Variants in DCLRE1B observed in about 807,000 individuals in gnomAD.
The protein encoded by DCLRE1B is 5' exonuclease Apollo.
A neutral mutation model predicts 19.8 loss-of-function variants in DCLRE1B; 6 were observed. The observed-to-expected ratio is 0.30, with a 90% confidence interval of 0.17 to 0.60. The LOEUF (loss-of-function observed/expected upper bound fraction) is 0.60, where lower values mean the gene tolerates loss of function less well. Ranked by LOEUF, DCLRE1B falls within the 20% of genes least tolerant of loss-of-function variation. The pLI is 0.87. For missense variants in DCLRE1B, 622 were observed against 654.2 expected, an observed-to-expected ratio of 0.95 and a Z score of 0.54; for synonymous variants, 258 against 255.7, an observed-to-expected ratio of 1.01 and a Z score of -0.09.
chr1:113,905,914 C>A, intron 1 of DCLRE1B, 139 bp downstream of exon 1: 1 of 964,746 alleles, frequency 1.0e-6, no homozygotes. Context: ...CATCTTTAAC[C>A]CAGAATAGGA....
chr1:113,904,945 CG>C, upstream of DCLRE1B: 1 of 511,830 alleles, frequency 2.0e-6, no homozygotes, highest in Non-Finnish European at 3.6e-6. Context: ...GCCCTACCGT[CG>C]GCCGGCAGGC....
intron 2 of DCLRE1B, 68 bp downstream of exon 2, chr1:113,907,229 T>TAA: frequency 3.6e-6 from 4 of 1,122,588 alleles, no homozygotes; most frequent in Non-Finnish European, 4.7e-6. Context: ...TTTTTTTTTT[T>TAA]TTTTTAATGT....
At position 113,911,829 on chromosome 1, in the gene DCLRE1B, G is replaced by T. The variant is rs1219329777; in HGVS notation, c.1237G>T (p.Val413Leu). The T allele has an allele frequency of 1.2e-6, 2 of 1,614,260 alleles. No individual in the cohort carries two copies. Among genetic ancestry groups the T allele is most frequent in the South Asian group, 1.1e-5 (1 of 91,088 alleles). ...DLYSKEWNKA[V>L]PFCESQKRVT... is the part of the protein sequence containing the mutation. ...CTATAGCAAAGAATGGAACAAGGCA[G>T]TGCCTTTCTGTGAGTCTCAAAAGAG... is the stretch of plus-strand genomic sequence containing the variant. The change falls in exon 4 of 4, where the codon GTG becomes TTG. Residue 413 changes from valine (V) to leucine (L), a missense_variant. Val to Leu is a conservative substitution (Grantham distance 32). Transcript: ENST00000650450.
rs769042701 is a variant in DCLRE1B at position 113,912,151 on chromosome 1, G to T, written c.1559G>T (p.Arg520Ile). Reference sequence around the variant, plus strand: ...TTCCAGGCAGGGTATTCTTCCAGGAGATTTGACCAGCAAGTGGAAAAATAC... The same window carrying T: ...TTCCAGGCAGGGTATTCTTCCAGGATATTTGACCAGCAAGTGGAAAAATAC... ...NFFQAGYSSR[R>I]FDQQVEKYHK... is the part of the protein sequence containing the mutation. Residue 520 changes from arginine to isoleucine, a missense_variant, in exon 4 of 4, where the codon AGA becomes ATA. Physicochemically the swap from Arg to Ile is moderately conservative, Grantham distance 97. Around this residue, in one of 3 missense-constraint regions of DCLRE1B, gnomAD observed 382 missense variants for 412.5 expected, o/e 0.93. Coordinates refer to ENST00000650450, the MANE Select transcript of DCLRE1B (RefSeq NM_022836.4). 1.9e-6 allele frequency: 3 copies of T among 1,613,882 alleles called. No homozygotes were observed. The African/African-American group carries it at 4.0e-5, about 22-fold the overall frequency.
At chr1:113,908,803 G>GCACA (rs35433996) in intron 3 of DCLRE1B, among the ~76,000 whole-genome samples, 1 of 150,722 alleles carries the variant, frequency 6.6e-6, no homozygotes, top group Non-Finnish European at 1.5e-5. Context: ...ACATACGCGT[G>GCACA]CACACACACA....
rs200788189 is a variant in DCLRE1B at position 113,905,720 on chromosome 1, C to T, written c.134C>T (p.Ala45Val). 29 of 1,614,200 alleles carry T rather than the reference C, an allele frequency of 1.8e-5. No individual in the cohort carries two copies. In the East Asian group the frequency reaches 6.5e-4, roughly 36 times the overall value. The change falls in exon 1 of 4, where the codon GCC becomes GTC. Residue 45 changes from alanine to valine, a missense_variant. Ala to Val is a moderately conservative substitution (Grantham distance 64). Transcript: ENST00000650450. ...DHTVGLSSTW[A>V]RPLYCSPITA... is the part of the protein sequence containing the mutation. ...ACCGTGGGCCTGTCTAGCACCTGGG[C>T]CCGGCCCCTCTACTGCTCCCCAATT...
intron 3 of DCLRE1B, among the ~76,000 whole-genome samples, chr1:113,910,341 C>T (rs1391874729): frequency 2.0e-5 from 3 of 152,074 alleles, no homozygotes; most frequent in Admixed American, 1.3e-4. Flanking sequence ...CATTTCTTAT[C>T]AATTCCTTTT....
intron 2 of DCLRE1B, 66 bp downstream of exon 2, chr1:113,907,227 T>A: frequency 3.9e-6 from 5 of 1,280,000 alleles, no homozygotes; most frequent in Non-Finnish European, 5.2e-6. Flanking sequence ...TTTTTTTTTT[T>A]TTTTTTTAAT....
In DCLRE1B at chr1:113,912,317, C is replaced by A; in HGVS notation, c.*126C>A. The A allele has an allele frequency of 1.0e-6, 1 of 971,206 alleles. No individual in the cohort carries two copies. Among genetic ancestry groups the A allele is most frequent in the Non-Finnish European group, 1.5e-6 (1 of 679,702 alleles). 60.2% of individuals were successfully genotyped at this position (971,206 alleles called of 1,614,324 possible). ...TCTATCTTTACAAGACTCTTATGGGCCCACCGTGGAGCAGCACTTCCCAAA... is the reference window on the plus strand; with the variant it reads ...TCTATCTTTACAAGACTCTTATGGGACCACCGTGGAGCAGCACTTCCCAAA... On this transcript the variant is annotated 3_prime_UTR_variant, in exon 4 of 4. Transcript: ENST00000650450.
Position 113,912,001 on chromosome 1 carries a change from C to T in DCLRE1B, c.1409C>T (p.Thr470Ile). 6.2e-7 allele frequency: 1 copy of T among 1,614,204 alleles called. No individual in the cohort carries two copies. Among genetic ancestry groups the T allele is most frequent in the African/African-American group, 1.3e-5 (1 of 75,048 alleles). The change falls in exon 4 of 4, where the codon ACA (threonine) becomes ATA (isoleucine). Residue 470 changes from threonine (T) to isoleucine (I), a missense_variant. By Grantham distance (89) the Thr-to-Ile change is moderately conservative. Transcript: ENST00000650450. ...MGDDDGGPEATGNQSAWMGHG... is the reference protein window; with the variant it reads ...MGDDDGGPEAIGNQSAWMGHG... Reference sequence around the variant, plus strand: ...GATGATGATGGAGGTCCAGAAGCCACAGGGAATCAGAGTGCCTGGATGGGC... The same window carrying T: ...GATGATGATGGAGGTCCAGAAGCCATAGGGAATCAGAGTGCCTGGATGGGC...
upstream of DCLRE1B, chr1:113,905,009 T>A (rs1317141484): frequency 4.6e-6 from 2 of 434,400 alleles, no homozygotes; most frequent in East Asian, 9.6e-5. Context: ...TCCGCCGGAT[T>A]TCCAGCGCCG....
chr1:113,910,610 TC>T (rs35889128), intron 3 of DCLRE1B, among the ~76,000 whole-genome samples: 1 of 152,110 alleles, frequency 6.6e-6, no homozygotes, highest in African/African-American at 2.4e-5. Context: ...CAAGTGATCC[TC>T]CCGCGTCAGC....
At position 113,905,533 on chromosome 1, in the gene DCLRE1B, C is replaced by T; in HGVS notation, c.-54C>T. The T allele has an allele frequency of 1.3e-6, 2 of 1,580,266 alleles. No homozygotes were observed. The highest frequency in any genetic ancestry group is 1.7e-6 in the Non-Finnish European group (2 of 1,156,968). On this transcript the variant is annotated 5_prime_UTR_variant, in exon 1 of 4. Transcript: ENST00000650450. ...GGGACGCCGTTGTGGAAGCCTCACG[C>T]AGGAGCCCTGCCCCCGTGGAGAAGA...
At position 113,905,614 on chromosome 1, in the gene DCLRE1B, C is replaced by G. The variant is rs775773846; in HGVS notation, c.28C>G (p.Pro10Ala). The G allele has an allele frequency of 3.1e-6, 5 of 1,614,076 alleles. No individual in the cohort carries two copies. The highest frequency in any genetic ancestry group is 4.2e-6 in the Non-Finnish European group (5 of 1,180,050). Residue 10 changes from proline to alanine, a missense_variant, in exon 1 of 4, where the codon CCC becomes GCC. Around this residue, in one of 3 missense-constraint regions of DCLRE1B, gnomAD observed 237 missense variants for 223.8 expected, o/e 1.06. Transcript: ENST00000650450. MNGVLIPHT[P>A]IAVDFWSLRR... Reference sequence around the variant, plus strand: ...GAATGGGGTCCTGATCCCCCATACGCCCATCGCAGTGGACTTCTGGAGCCT... The same window carrying G: ...GAATGGGGTCCTGATCCCCCATACGGCCATCGCAGTGGACTTCTGGAGCCT...
Position 113,908,199 on chromosome 1 carries a change from G to T in DCLRE1B, c.538+8G>T. The T allele has an allele frequency of 8.1e-6, 13 of 1,611,106 alleles. No individual in the cohort carries two copies. The highest frequency in any genetic ancestry group is 1.1e-5 in the Non-Finnish European group (13 of 1,178,604). On this transcript the variant is annotated splice_region_variant and intron_variant, in intron 3 of 3. Transcript: ENST00000650450. Reference sequence around the variant, plus strand: ...AACATAACATAAAGATTGGTGAGTTGTTTCCTTTCAGTTTCCTGTCACCTG... The same window carrying T: ...AACATAACATAAAGATTGGTGAGTTTTTTCCTTTCAGTTTCCTGTCACCTG...
intron 1 of DCLRE1B, among the ~76,000 whole-genome samples, chr1:113,906,269 G>T (rs1214317180): frequency 6.6e-6 from 1 of 151,250 alleles, no homozygotes; most frequent in Non-Finnish European, 1.5e-5. Context: ...TGTTGGCCAG[G>T]CTGTTCTCTA....
Position 113,911,956 on chromosome 1 carries a change from C to T in DCLRE1B, c.1364C>T (p.Ser455Phe). 1 of 1,614,178 alleles carries T rather than the reference C, an allele frequency of 6.2e-7. No individual in the cohort carries two copies. Residue 455 changes from serine (S) to phenylalanine (F), a missense_variant, in exon 4 of 4, where the codon TCC becomes TTC. Around this residue, in one of 3 missense-constraint regions of DCLRE1B, gnomAD observed 382 missense variants for 412.5 expected, o/e 0.93. Coordinates refer to ENST00000650450, the MANE Select transcript of DCLRE1B (RefSeq NM_022836.4). ...QKTREEIGLG[S>F]PLVPMGDDDG... ...ACCAGGGAGGAAATTGGTTTAGGGT[C>T]CCCCTTGGTACCCATGGGAGATGAT...
Position 113,907,103 on chromosome 1 carries a change from C to CTGTCCTGG in DCLRE1B, c.299_306dup (p.Ser103ValfsTer29). 6.2e-7 allele frequency: 1 copy of CTGTCCTGG among 1,612,158 alleles called. No homozygotes were observed. Among genetic ancestry groups the CTGTCCTGG allele is most frequent in the Non-Finnish European group, 8.5e-7 (1 of 1,179,444 alleles). ...CCGTAACCCTCCTCGATGCCAATCA[C>CTGTCCTGG]TGTCCTGGTTCTGTCATGTTTCTCT... On this transcript the variant is annotated frameshift_variant, in exon 2 of 4. Coordinates refer to ENST00000650450, the MANE Select transcript of DCLRE1B (RefSeq NM_022836.4). LOFTEE classifies it high-confidence loss of function.
At chr1:113,909,163 A>G (rs1321454121) in intron 3 of DCLRE1B, among the ~76,000 whole-genome samples, 1 of 152,200 alleles carries the variant, frequency 6.6e-6, no homozygotes, top group Non-Finnish European at 1.5e-5. Flanking sequence ...AAATGCCTAC[A>G]CTAATGCCTG....
Sources: gnomAD v4.1 joint callset for allele counts (sites outside exome capture counted in the v4.1 genomes callset) on GRCh38, gnomAD v4.1.1 for gene constraint, gnomAD v4.1.1 regional missense constraint, MANE v1.5 for transcripts, NCBI Gene and HGNC (gene_info 2026-07-23, HGNC 2026-07-21) for gene names.